BMP1: variants seen among roughly 807,000 people sequenced by gnomAD.
BMP1 encodes mammalian tolloid protein.
BMP1 carries 63 observed loss-of-function variants against 116.8 expected under a neutral mutation model. The observed-to-expected ratio is 0.54, with a 90% CI of 0.44 to 0.67. The LOEUF is 0.67. Ranked by LOEUF, BMP1 falls within the 30% of genes least tolerant of loss-of-function variation. BMP1 has a pLI of 0.00. For missense variants in BMP1, 1,183 were observed against 1,358.9 expected (o/e 0.87, Z 2.04); for synonymous variants, 536 against 533.4 (o/e 1.00, Z -0.07).
In BMP1 at chr8:22,172,421, G is replaced by A. The variant is rs116223076; in HGVS notation, c.149-1181G>A. Among the ~76,000 whole-genome samples, 304 of 151,968 alleles carry A rather than the reference G, an allele frequency of 2.0e-3. 2 individuals are homozygous for A. Among genetic ancestry groups the A allele is most frequent in the African/African-American group, 6.9e-3 (287 of 41,442 alleles). The stretch of plus-strand genomic sequence containing the variant: ...CTCCTCAGCTCCAGATACTGGAATC[G>A]GAATGGCCCTTTAGGGAGGCTCTCT... On this transcript the variant is annotated intron_variant, in intron 1 of 19. Coordinates refer to ENST00000306385, the MANE Select transcript of BMP1 (RefSeq NM_006129.5).
At chr8:22,197,563 C>A in intron 15 of BMP1, 143 bp downstream of exon 15, 1 of 898,376 alleles carries the variant, frequency 1.1e-6, no homozygotes, top group Non-Finnish European at 1.7e-6. Flanking sequence ...CACCACTTCA[C>A]TCTCCCATCA....
In BMP1 at chr8:22,211,777, C is replaced by G; in HGVS notation, c.*49C>G. 1 of 1,613,224 alleles carries G rather than the reference C, an allele frequency of 6.2e-7. No individual in the cohort carries two copies. The highest frequency in any genetic ancestry group is 8.5e-7 in the Non-Finnish European group (1 of 1,179,788). On this transcript the variant is annotated 3_prime_UTR_variant, in exon 20 of 20. Transcript: ENST00000306385. ...ACTGGAGCCTGCTGCCCTTGGTCGC[C>G]TAGACTGGATAGTGGGGGTGGGCGG... is the stretch of plus-strand genomic sequence containing the variant.
chr8:22,199,729 C>G (rs1035657539), intron 15 of BMP1, among the ~76,000 whole-genome samples: 4 of 152,108 alleles, frequency 2.6e-5, no homozygotes, highest in African/African-American at 9.7e-5. Flanking sequence ...CTTAGTGAAC[C>G]CCAGGATGGC....
At chr8:22,166,238 A>AC (rs200007567) in intron 1 of BMP1, among the ~76,000 whole-genome samples, 2,378 of 151,674 alleles carry the variant, frequency 0.016, 42 homozygotes, top group Middle Eastern at 0.058. Flanking sequence ...GTGCCCAGAG[A>AC]CCCCCGCCAA....
chr8:22,210,468 T>TA (rs1554488550), intron 19 of BMP1, among the ~76,000 whole-genome samples: 1 of 135,500 alleles, frequency 7.4e-6, no homozygotes, highest in African/African-American at 3.0e-5. Flanking sequence ...TCTCTCTCTC[T>TA]CACACACATA....
intron 8 of BMP1, among the ~76,000 whole-genome samples, chr8:22,185,350 G>A (rs1236252207): frequency 6.6e-6 from 1 of 152,026 alleles, no homozygotes; most frequent in African/African-American, 2.4e-5. Flanking sequence ...TACTCAGGAG[G>A]CTGAGGCAGG....
chr8:22,204,584 G>C (rs932740956), intron 16 of BMP1, among the ~76,000 whole-genome samples: 4 of 152,272 alleles, frequency 2.6e-5, no homozygotes, highest in African/African-American at 7.2e-5. Context: ...TTAGCCAGGC[G>C]TGGTGGCGCA....
chr8:22,178,592 G>A (rs1828522601), intron 6 of BMP1, among the ~76,000 whole-genome samples: 1 of 152,054 alleles, frequency 6.6e-6, no homozygotes, highest in South Asian at 2.1e-4. Flanking sequence ...TTTTTAATTA[G>A]TCTGCTTTTT....
intron 16 of BMP1, among the ~76,000 whole-genome samples, chr8:22,202,995 G>C (rs1829293130): frequency 6.6e-6 from 1 of 152,152 alleles, no homozygotes; most frequent in Non-Finnish European, 1.5e-5. Flanking sequence ...GGGTGACAGA[G>C]TGGGAAAAAA....
At chr8:22,195,611 G>T in intron 13 of BMP1, 24 bp downstream of exon 13, 2 of 1,592,920 alleles carry the variant, frequency 1.3e-6, no homozygotes, top group Admixed American at 1.8e-5. Context: ...GACTGCCTCT[G>T]ACCCTGTTCT....
intron 9 of BMP1, among the ~76,000 whole-genome samples, chr8:22,192,996 G>A (rs867064362): frequency 6.6e-6 from 1 of 152,198 alleles, no homozygotes; most frequent in African/African-American, 2.4e-5. Context: ...CAAAGCAGCT[G>A]TCCTTACAAC....
rs559861090 is a variant in BMP1 at position 22,211,897 on chromosome 8, G to A, written c.*169G>A. ...ATAGGAGGTGGGGGAACTGGACTCCGGCATAAGCCACTTCCCCACAAACCC... is the reference window on the plus strand; with the variant it reads ...ATAGGAGGTGGGGGAACTGGACTCCAGCATAAGCCACTTCCCCACAAACCC... On this transcript the variant is annotated 3_prime_UTR_variant, in exon 20 of 20. Coordinates refer to ENST00000306385, the MANE Select transcript of BMP1 (RefSeq NM_006129.5). 28 of 996,202 alleles carry A rather than the reference G, an allele frequency of 2.8e-5. No homozygotes were observed. The highest frequency in any genetic ancestry group is 3.2e-4 in the Middle Eastern group (1 of 3,080). 61.7% of individuals were successfully genotyped at this position (996,202 alleles called of 1,614,324 possible).
At position 22,195,394 on chromosome 8, in the gene BMP1, T is replaced by C; in HGVS notation, c.1640-68T>C. On this transcript the variant is annotated intron_variant, in intron 12 of 19. Transcript: ENST00000306385. ...TGGGTCTTGGGGCTGAGTGGACAAGTGAGGCTCACAGCCAGCTTCTTCCCT... is the reference window on the plus strand; with the variant it reads ...TGGGTCTTGGGGCTGAGTGGACAAGCGAGGCTCACAGCCAGCTTCTTCCCT... The C allele has an allele frequency of 1.9e-6, 3 of 1,543,078 alleles. 1 individual carries two copies. Among genetic ancestry groups the C allele is most frequent in the Non-Finnish European group, 2.6e-6 (3 of 1,148,946 alleles).
In BMP1 at chr8:22,179,349, G is replaced by A. The variant is rs1019780010; in HGVS notation, c.837-356G>A. ...GGGCTGCAGAAGCAGGGGCCCAGTG[G>A]GGCTGGAGAGAGATGACCCGCTAGG... On this transcript the variant is annotated intron_variant, in intron 6 of 19. Coordinates refer to ENST00000306385, the MANE Select transcript of BMP1 (RefSeq NM_006129.5). This position sits in a 1 kb window ranked among gnomAD's most constrained non-coding sequence, Gnocchi z 4.6. Among the ~76,000 whole-genome samples, 1 of 152,240 alleles carries A rather than the reference G, an allele frequency of 6.6e-6. No individual in the cohort carries two copies. The highest frequency in any genetic ancestry group is 2.4e-5 in the African/African-American group (1 of 41,462).
At chr8:22,201,041 T>G (rs543482151) in intron 15 of BMP1, 2 of 1,274,598 alleles carry the variant, frequency 1.6e-6, no homozygotes, top group South Asian at 2.5e-5. Context: ...GGTCTGGTTT[T>G]CACTGCTGTC....
At chr8:22,167,569 G>T (rs1384493270) in intron 1 of BMP1, among the ~76,000 whole-genome samples, 1 of 152,186 alleles carries the variant, frequency 6.6e-6, no homozygotes, top group Non-Finnish European at 1.5e-5. Flanking sequence ...GATTTTCAGA[G>T]CAGCAAGAGG....
chr8:22,191,760 G>C lies in BMP1; in HGVS notation c.1078-289G>C, dbSNP rs1222981294. ...ACTGTAGAGACCAGTTCCTCTTGAA[G>C]ATATTGTGGGTTGTGTTATCTAATT... On this transcript the variant is annotated intron_variant, in intron 8 of 19. Coordinates refer to ENST00000306385, the MANE Select transcript of BMP1 (RefSeq NM_006129.5). Among the ~76,000 whole-genome samples, 4 of 152,352 alleles carry C rather than the reference G, an allele frequency of 2.6e-5. No homozygotes were observed. In the East Asian group the frequency reaches 7.7e-4, roughly 29 times the overall value.
At chr8:22,207,150 G>T (rs891033128) in intron 17 of BMP1, among the ~76,000 whole-genome samples, 153 bp from the exon 18 acceptor site, 2 of 152,200 alleles carry the variant, frequency 1.3e-5, no homozygotes, top group African/African-American at 2.4e-5. Context: ...GGGCGTCCCT[G>T]CCTTCGCCCT....
At chr8:22,199,892 C>T (rs1440716981) in intron 15 of BMP1, among the ~76,000 whole-genome samples, 1 of 152,162 alleles carries the variant, frequency 6.6e-6, no homozygotes, top group South Asian at 2.1e-4. Context: ...GTTCCCATGG[C>T]CCCTAGGGGT....
Sources: allele counts gnomAD v4.1 joint callset (sites outside exome capture counted in the v4.1 genomes callset), GRCh38; gene constraint gnomAD v4.1.1; non-coding constraint Gnocchi (gnomAD v3.1); transcripts MANE v1.5; gene names NCBI Gene and HGNC (gene_info 2026-07-23, HGNC 2026-07-21).